Variants in ESRRG observed in about 807,000 individuals in gnomAD.
ESRRG encodes estrogen related receptor gamma.
In ESRRG, 13 loss-of-function variants were observed where a neutral mutation model predicts 44.0. That is an observed-to-expected ratio of 0.30 (90% CI 0.19 to 0.47). The LOEUF (loss-of-function observed/expected upper bound fraction) is 0.47, where lower values mean the gene tolerates loss of function less well. ESRRG is among the 20% of genes least tolerant of loss of function. The probability of loss-of-function intolerance (pLI) is 1.00; values close to 1 mark genes in which losing one functional copy is unlikely to be tolerated. For missense variants in ESRRG, 395 were observed against 580.6 expected, an observed-to-expected ratio of 0.68 and a Z score of 3.29; for synonymous variants, 215 against 214.6, an observed-to-expected ratio of 1.00 and a Z score of -0.02.
intron 2 of ESRRG, among the ~76,000 whole-genome samples, chr1:216,756,146 C>T (rs2092430294): frequency 6.6e-6 from 1 of 151,964 alleles, no homozygotes; most frequent in Non-Finnish European, 1.5e-5. Flanking sequence ...CTATCTAATT[C>T]ACAGGCATGT....
At position 217,119,043 on chromosome 1, in the gene ESRRG, AT is replaced by A. The variant is rs1243721449; in HGVS notation, c.-230+18623del. Among the ~76,000 whole-genome samples the A allele has an allele frequency of 1.4e-3, 217 of 151,658 alleles. 1 individual carries two copies. Among genetic ancestry groups the A allele is most frequent in the African/African-American group, 5.0e-3 (207 of 41,264 alleles). On this transcript the variant is annotated intron_variant, in intron 1 of 8. Transcript: ENST00000366940. ...GATAGATAGATAGATAGATAGATAG[AT>A]AGATAGAGACACAGATACAGATACA...
chr1:216,669,785 C>G (rs2074773489), intron 2 of ESRRG, among the ~76,000 whole-genome samples: 2 of 152,004 alleles, frequency 1.3e-5, no homozygotes. Context: ...ACTTGGGAAG[C>G]TGAGGCAGGA....
At chr1:216,572,651 T>C (rs1056164779) in intron 3 of ESRRG, among the ~76,000 whole-genome samples, 35 of 151,944 alleles carry the variant, frequency 2.3e-4, no homozygotes, top group African/African-American at 8.0e-4. Flanking sequence ...AAATCAAATA[T>C]CAAATTATGA....
At chr1:216,831,423 A>G (rs1317292545) in intron 2 of ESRRG, among the ~76,000 whole-genome samples, 1 of 151,934 alleles carries the variant, frequency 6.6e-6, no homozygotes, top group Admixed American at 6.6e-5. Context: ...AAGCCTGAGG[A>G]GACAGAGCTC....
At chr1:216,832,008 T>G (rs541917599) in intron 2 of ESRRG, among the ~76,000 whole-genome samples, 1 of 152,362 alleles carries the variant, frequency 6.6e-6, no homozygotes, top group African/African-American at 2.4e-5. Flanking sequence ...TGCTTTATTT[T>G]GCTACACAGA....
intron 2 of ESRRG, among the ~76,000 whole-genome samples, chr1:216,849,407 A>G (rs2095807579): frequency 6.6e-6 from 1 of 152,194 alleles, no homozygotes; most frequent in Non-Finnish European, 1.5e-5. Context: ...TTATATAACA[A>G]TGCTACACAA....
chr1:217,009,380 A>C (rs1442713144), intron 1 of ESRRG, among the ~76,000 whole-genome samples: 1 of 152,232 alleles, frequency 6.6e-6, no homozygotes, highest in African/African-American at 2.4e-5. Context: ...GGATCAGATC[A>C]CTGGCTTTGA....
At chr1:217,084,031 T>C (rs1187403756) in intron 1 of ESRRG, among the ~76,000 whole-genome samples, 1 of 151,998 alleles carries the variant, frequency 6.6e-6, no homozygotes, top group East Asian at 1.9e-4. Context: ...TCTACTTCTT[T>C]CATAGAAATG....
intron 1 of ESRRG, among the ~76,000 whole-genome samples, chr1:216,989,287 T>TA (rs900971457): frequency 6.6e-6 from 1 of 151,558 alleles, no homozygotes; most frequent in African/African-American, 2.4e-5. Context: ...TCTCCATCTC[T>TA]AAAAAAATAC....
At chr1:216,701,139 G>T (rs1559303821) in intron 1 of ESRRG, among the ~76,000 whole-genome samples, 1 of 152,124 alleles carries the variant, frequency 6.6e-6, no homozygotes, top group Non-Finnish European at 1.5e-5. Flanking sequence ...GGAGTTTGGG[G>T]GGGGTATGAA....
intron 2 of ESRRG, among the ~76,000 whole-genome samples, chr1:216,734,904 CTTTTTTTTTTT>C (rs11309409): frequency 4.0e-5 from 4 of 100,374 alleles, no homozygotes; most frequent in African/African-American, 1.6e-4. Context: ...GTTCCATATT[CTTTTTTTTTTT>C]TTTTTTTTTT....
At chr1:217,025,736 T>C (rs556475781) in intron 1 of ESRRG, among the ~76,000 whole-genome samples, 199 of 152,280 alleles carry the variant, frequency 1.3e-3, no homozygotes, top group African/African-American at 4.4e-3. Context: ...CAAAGTCAAA[T>C]GTCCTGAAAA....
chr1:216,750,706 C>G (rs909997171), intron 2 of ESRRG, among the ~76,000 whole-genome samples: 8 of 151,940 alleles, frequency 5.3e-5, no homozygotes, highest in African/African-American at 1.9e-4. Flanking sequence ...ACCAGGCCAC[C>G]ACCCGAAGAA....
chr1:216,930,099 C>T (rs1238026190), intron 2 of ESRRG, among the ~76,000 whole-genome samples: 1 of 152,198 alleles, frequency 6.6e-6, no homozygotes, highest in Non-Finnish European at 1.5e-5. Flanking sequence ...ATGTCATCTT[C>T]CTTTCTGACT....
At chr1:216,753,183 C>CACACACACACACACAT (rs2092196520) in intron 2 of ESRRG, among the ~76,000 whole-genome samples, 1 of 151,994 alleles carries the variant, frequency 6.6e-6, no homozygotes, top group African/African-American at 2.4e-5. Context: ...GATACACACA[C>CACACACACACACACAT]ACACACACAC....
At chr1:216,845,511 A>T (rs1027320756) in intron 2 of ESRRG, among the ~76,000 whole-genome samples, 1 of 152,162 alleles carries the variant, frequency 6.6e-6, no homozygotes, top group Non-Finnish European at 1.5e-5. Flanking sequence ...CTTAGAGAAA[A>T]GCTACTTCTG....
chr1:216,948,080 T>C (rs998303736), intron 1 of ESRRG, among the ~76,000 whole-genome samples: 4 of 152,092 alleles, frequency 2.6e-5, no homozygotes, highest in Non-Finnish European at 5.9e-5. Flanking sequence ...CATTAGAAAC[T>C]TTATGTGAAG....
chr1:216,852,123 C>G (rs528994149), intron 2 of ESRRG, among the ~76,000 whole-genome samples: 2 of 152,224 alleles, frequency 1.3e-5, no homozygotes, highest in East Asian at 3.9e-4. Context: ...GTTGTTTAGG[C>G]TTGGTTTATT....
intron 2 of ESRRG, among the ~76,000 whole-genome samples, chr1:216,816,305 TA>T (rs1169406562): frequency 6.6e-6 from 1 of 152,176 alleles, no homozygotes. Flanking sequence ...TAGGAGCTAT[TA>T]AAAATGATAA....
Sources: gnomAD v4.1 joint callset for allele counts (sites outside exome capture counted in the v4.1 genomes callset) on GRCh38, gnomAD v4.1.1 for gene constraint, MANE v1.5 for transcripts, NCBI Gene and HGNC (gene_info 2026-07-23, HGNC 2026-07-21) for gene names.